The following PDE4D variants were observed in gnomAD, a reference collection of about 807,000 sequenced individuals.
PDE4D encodes phosphodiesterase 4D.
In PDE4D, 24 loss-of-function variants were observed where a neutral mutation model predicts 87.4. That is an observed-to-expected ratio of 0.27 (90% CI 0.20 to 0.39). The LOEUF (loss-of-function observed/expected upper bound fraction) is 0.39. Among genes scored for constraint, PDE4D ranks in the 10% least tolerant of loss-of-function variants. The pLI is 1.00. For missense variants in PDE4D, 714 were observed against 1,041.0 expected (o/e 0.69, Z 4.32); for synonymous variants, 384 against 383.2 (o/e 1.00, Z -0.02).
intron 1 of PDE4D, among the ~76,000 whole-genome samples, chr5:60,519,016 A>G (rs26954): frequency 0.73 from 111,286 of 152,120 alleles, 41,672 homozygotes; most frequent in African/African-American, 0.9. Context: ...ACGTCAACCA[A>G]CTGGGTTAAA....
At chr5:58,992,464 T>C (rs1291430126) in intron 7 of PDE4D, among the ~76,000 whole-genome samples, 1 of 152,166 alleles carries the variant, frequency 6.6e-6, no homozygotes, top group African/African-American at 2.4e-5. Flanking sequence ...AAAACAGCAG[T>C]ATATAAAACT....
intron 1 of PDE4D, among the ~76,000 whole-genome samples, chr5:59,701,976 T>A (rs1277169739): frequency 4.6e-5 from 7 of 151,960 alleles, no homozygotes; most frequent in African/African-American, 1.7e-4. Flanking sequence ...CAAAAGTTAA[T>A]CACATTTCCA....
intron 1 of PDE4D, among the ~76,000 whole-genome samples, chr5:59,350,072 C>A (rs529714888): frequency 1.3e-5 from 2 of 152,102 alleles, no homozygotes; most frequent in African/African-American, 4.8e-5. Flanking sequence ...CAAAGTGGTA[C>A]TTCCTTACAA....
intron 2 of PDE4D, among the ~76,000 whole-genome samples, chr5:60,006,435 G>T (rs1764484650): frequency 6.6e-6 from 1 of 151,728 alleles, no homozygotes; most frequent in African/African-American, 2.4e-5. Flanking sequence ...CAAAAAGGAG[G>T]TATCCCTGCA....
At chr5:59,188,697 T>A (rs774291138) in intron 3 of PDE4D, among the ~76,000 whole-genome samples, 1 of 152,160 alleles carries the variant, frequency 6.6e-6, no homozygotes, top group African/African-American at 2.4e-5. Context: ...TGGGAGAGAT[T>A]CATTACTTCG....
At chr5:59,224,806 A>C (rs1028918585) in intron 1 of PDE4D, among the ~76,000 whole-genome samples, 2 of 152,204 alleles carry the variant, frequency 1.3e-5, no homozygotes, top group Non-Finnish European at 2.9e-5. Context: ...ATGTGAGGAC[A>C]GAGTGAGAAA....
chr5:60,023,523 C>T (rs1485587139), intron 2 of PDE4D, among the ~76,000 whole-genome samples: 1 of 152,082 alleles, frequency 6.6e-6, no homozygotes, highest in African/African-American at 2.4e-5. Context: ...TCTTTTAAGC[C>T]TTTCTTCCTG....
At chr5:59,990,687 G>A (rs766569191) in intron 2 of PDE4D, among the ~76,000 whole-genome samples, 2 of 152,044 alleles carry the variant, frequency 1.3e-5, no homozygotes, top group South Asian at 2.1e-4. Context: ...AAGTAGTGCC[G>A]TGTTTTACAT....
intron 2 of PDE4D, among the ~76,000 whole-genome samples, chr5:60,075,612 C>A (rs1404532804): frequency 6.6e-6 from 1 of 152,144 alleles, no homozygotes; most frequent in Non-Finnish European, 1.5e-5. Flanking sequence ...TTCCAAGTTT[C>A]TTCCATTCTC....
intron 5 of PDE4D, among the ~76,000 whole-genome samples, chr5:59,141,530 C>G (rs78606421): frequency 1.4e-3 from 210 of 152,270 alleles, no homozygotes; most frequent in African/African-American, 4.8e-3. Flanking sequence ...AAGAGCCAAC[C>G]AGGTGAGGCT....
Position 59,684,004 on chromosome 5 carries a change from C to G in PDE4D, c.455+209164G>C, listed in dbSNP as rs539940991. Among the ~76,000 whole-genome samples, 3 of 152,208 alleles carry G rather than the reference C, an allele frequency of 2.0e-5. No individual in the cohort carries two copies. In the East Asian group the frequency reaches 5.8e-4, roughly 29 times the overall value. ...CCAATTTTGCAGATTTCTCTTTGAC[C>G]GTAATCCCATAAATTCCCTATGACA... On this transcript the variant is annotated intron_variant, in intron 1 of 14. Transcript: ENST00000340635.
At chr5:59,404,690 C>A (rs981221775) in intron 1 of PDE4D, among the ~76,000 whole-genome samples, 2 of 145,888 alleles carry the variant, frequency 1.4e-5, no homozygotes, top group African/African-American at 2.6e-5. Context: ...AATCTTTGCT[C>A]AGGCCAATGT....
chr5:60,511,929 G>T (rs1391963182), intron 1 of PDE4D, among the ~76,000 whole-genome samples: 1 of 151,958 alleles, frequency 6.6e-6, no homozygotes, highest in African/African-American at 2.4e-5. Flanking sequence ...TATTTTTTAG[G>T]TGAAAATATA....
rs574740243 is a variant in PDE4D at position 60,339,109 on chromosome 5, T to C, written c.-90+148833A>G. ...ACAGCAAAACTGGCATGAATTTCTT[T>C]TTCCCTCTTCACATCTTCATGGATA... On this transcript the variant is annotated intron_variant, in intron 1 of 16. Coordinates refer to the PDE4D transcript ENST00000502484. Among the ~76,000 whole-genome samples, 7 of 152,294 alleles carry C rather than the reference T, an allele frequency of 4.6e-5. No individual in the cohort carries two copies. The South Asian group carries it at 1.5e-3, about 32-fold the overall frequency.
chr5:59,941,681 G>A (rs780923006), intron 3 of PDE4D, among the ~76,000 whole-genome samples: 91 of 152,228 alleles, frequency 6.0e-4, no homozygotes, highest in Non-Finnish European at 1.1e-3. Context: ...GGAGAAAATG[G>A]AGAGGTTCTT....
intron 1 of PDE4D, among the ~76,000 whole-genome samples, chr5:59,410,554 G>T (rs1792481087): frequency 6.6e-6 from 1 of 152,038 alleles, no homozygotes; most frequent in South Asian, 2.1e-4. Flanking sequence ...GCAAGTTCAA[G>T]TATTTTTATT....
At chr5:60,321,225 G>A (rs1353829470) in intron 1 of PDE4D, among the ~76,000 whole-genome samples, 1 of 152,144 alleles carries the variant, frequency 6.6e-6, no homozygotes, top group Admixed American at 6.5e-5. Context: ...ACAGACTAGA[G>A]AGCCCAGAAA....
chr5:59,831,054 C>T (rs1741120694), intron 1 of PDE4D, among the ~76,000 whole-genome samples: 2 of 151,632 alleles, frequency 1.3e-5, no homozygotes, highest in African/African-American at 4.8e-5. Context: ...GGGTTTGTAA[C>T]CTGCTTAAAG....
rs148643806 is a variant in PDE4D at position 59,302,374 on chromosome 5, T to G, written c.456-86406A>C. On this transcript the variant is annotated intron_variant, in intron 1 of 14. Coordinates refer to ENST00000340635, the MANE Select transcript of PDE4D (RefSeq NM_001104631.2). ...AAACTTCTGACTTAAATCTATTACT[T>G]TTTATAAAATTTTTTTCCATAAGTT... 1.7e-3 allele frequency among the ~76,000 whole-genome samples: 253 copies of G among 152,296 alleles called. 1 individual carries two copies. The highest frequency in any genetic ancestry group is 5.8e-3 in the African/African-American group (241 of 41,566).
Sources: allele counts gnomAD v4.1 joint callset (sites outside exome capture counted in the v4.1 genomes callset), GRCh38; gene constraint gnomAD v4.1.1; transcripts MANE v1.5; gene names NCBI Gene and HGNC (gene_info 2026-07-23, HGNC 2026-07-21).